The following GRM1 variants were observed in gnomAD, a reference collection of about 807,000 sequenced individuals.
GRM1 encodes the protein metabotropic glutamate receptor 1.
A neutral mutation model predicts 90.9 loss-of-function variants in GRM1; 33 were observed. That is an observed-to-expected ratio of 0.36 (90% CI 0.28 to 0.49). The LOEUF is 0.49. GRM1 is among the 20% of genes least tolerant of loss of function. GRM1 has a pLI of 0.99. For missense variants in GRM1, 1,190 were observed against 1,534.3 expected (o/e 0.78, Z 3.75); for synonymous variants, 700 against 613.2 (o/e 1.14, Z -2.09).
At chr6:146,305,578 T>C (rs1783549067) in intron 3 of GRM1, among the ~76,000 whole-genome samples, 1 of 152,214 alleles carries the variant, frequency 6.6e-6, no homozygotes, top group African/African-American at 2.4e-5. Context: ...GCTGCCAAGA[T>C]AAATCATCTA....
intron 1 of GRM1, among the ~76,000 whole-genome samples, chr6:146,085,978 C>G (rs1189213761): frequency 1.3e-5 from 2 of 152,108 alleles, no homozygotes; most frequent in African/African-American, 4.8e-5. Context: ...TGCTGGCATA[C>G]TCTATGTGAC....
intron 5 of GRM1, among the ~76,000 whole-genome samples, chr6:146,379,308 T>A (rs967351144): frequency 6.6e-6 from 1 of 151,206 alleles, no homozygotes; most frequent in African/African-American, 2.4e-5. Context: ...TTTTCAAATA[T>A]CCTGTCTTTA....
At chr6:146,037,943 C>G (rs1038836599) in intron 1 of GRM1, among the ~76,000 whole-genome samples, 1 of 152,028 alleles carries the variant, frequency 6.6e-6, no homozygotes, top group Non-Finnish European at 1.5e-5. Flanking sequence ...CTCAGCTGAT[C>G]TGGTTTCCCT....
chr6:146,434,420 C>G lies in GRM1; in HGVS notation c.3209C>G (p.Pro1070Arg), dbSNP rs1778524602. The G allele has an allele frequency of 1.1e-5, 17 of 1,613,630 alleles. No homozygotes were observed. The highest frequency in any genetic ancestry group is 1.4e-5 in the Non-Finnish European group (16 of 1,179,834). ...NGLRSLYPPP[P>R]PPQHLQMLPL... ...CTGCGGTCCCTGTACCCGCCCCCGC[C>G]ACCTCCGCAGCACCTGCAGATGCTG... Residue 1070 changes from proline to arginine, a missense_variant, in exon 8 of 8, where the codon CCA becomes CGA. Pro to Arg is a moderately radical substitution (Grantham distance 103, BLOSUM62 -2). Transcript: ENST00000282753.
intron 1 of GRM1, among the ~76,000 whole-genome samples, chr6:146,124,963 A>G (rs1425041804): frequency 1.3e-5 from 2 of 152,216 alleles, no homozygotes; most frequent in African/African-American, 2.4e-5. Context: ...TGATGTGACT[A>G]AAAACTGTGT....
At chr6:146,235,386 G>GT (rs1323457572) in intron 2 of GRM1, among the ~76,000 whole-genome samples, 1 of 151,994 alleles carries the variant, frequency 6.6e-6, no homozygotes, top group Non-Finnish European at 1.5e-5. Flanking sequence ...CCAAGGATTT[G>GT]TGTGTGTATT....
intron 2 of GRM1, among the ~76,000 whole-genome samples, chr6:146,160,740 A>T (rs189361482): frequency 2.0e-5 from 3 of 152,286 alleles, no homozygotes; most frequent in Admixed American, 1.3e-4. Flanking sequence ...CTGAAATTAG[A>T]GGTATAAGAC....
chr6:146,275,135 C>T (rs986108157), intron 2 of GRM1, among the ~76,000 whole-genome samples: 1 of 152,154 alleles, frequency 6.6e-6, no homozygotes, highest in African/African-American at 2.4e-5. Flanking sequence ...ATGAGCTAAA[C>T]TAAGTGGATG....
rs905339713 is a variant in GRM1 at position 146,436,793 on chromosome 6, A to G, written c.*1997A>G. ...ATGCCTTATGTTCAGTCATATTTTA[A>G]TATGCTTCCTTCATATTGAAGCTGC... On this transcript the variant is annotated 3_prime_UTR_variant, in exon 8 of 8. Transcript: ENST00000282753. 2 of 152,594 alleles carry G rather than the reference A, an allele frequency of 1.3e-5. No individual in the cohort carries two copies. Among genetic ancestry groups the G allele is most frequent in the African/African-American group, 4.8e-5 (2 of 41,442 alleles). 9.5% of individuals were successfully genotyped at this position (152,594 alleles called of 1,614,324 possible). A position where few individuals can be genotyped will look rare whatever the true frequency, so the allele number is the denominator to read the frequency against.
At chr6:146,284,307 A>G (rs1583273367) in intron 2 of GRM1, among the ~76,000 whole-genome samples, 1 of 152,190 alleles carries the variant, frequency 6.6e-6, no homozygotes, top group East Asian at 1.9e-4. Context: ...GGAAAATATC[A>G]TCCAAAGCCA....
At chr6:146,282,243 C>T (rs1261777451) in intron 2 of GRM1, among the ~76,000 whole-genome samples, 1 of 152,156 alleles carries the variant, frequency 6.6e-6, no homozygotes, top group Non-Finnish European at 1.5e-5. Context: ...AAATATCATT[C>T]TATTAAGGCC....
chr6:146,402,271 A>T (rs941068813), intron 7 of GRM1, among the ~76,000 whole-genome samples: 7 of 152,182 alleles, frequency 4.6e-5, no homozygotes, highest in Non-Finnish European at 8.8e-5. Flanking sequence ...GAGCTGACCC[A>T]GAGAGGGTAT....
chr6:146,387,834 G>A (rs915748266), intron 6 of GRM1, among the ~76,000 whole-genome samples: 7 of 152,066 alleles, frequency 4.6e-5, no homozygotes, highest in Admixed American at 4.6e-4. Flanking sequence ...AACCACTAAA[G>A]AATTTTAAAG....
At chr6:146,044,603 C>T (rs1562424997) in intron 1 of GRM1, among the ~76,000 whole-genome samples, 1 of 151,898 alleles carries the variant, frequency 6.6e-6, no homozygotes, top group Non-Finnish European at 1.5e-5. Flanking sequence ...GAGGGAGGTA[C>T]TGTGTGTTGA....
At chr6:146,078,392 T>C (rs372027198) in intron 1 of GRM1, among the ~76,000 whole-genome samples, 1 of 152,244 alleles carries the variant, frequency 6.6e-6, no homozygotes, top group East Asian at 1.9e-4. Context: ...TGGAAATACA[T>C]TGTTAAGAAA....
At position 146,070,220 on chromosome 6, in the gene GRM1, AT is replaced by A. The variant is rs567437980; in HGVS notation, c.700+40010del. 4.3e-3 allele frequency among the ~76,000 whole-genome samples: 647 copies of A among 152,044 alleles called. 4 individuals are homozygous for A. Among genetic ancestry groups the A allele is most frequent in the African/African-American group, 0.015 (616 of 41,488 alleles). The stretch of plus-strand genomic sequence containing the variant: ...TTGCTCAGTGGTGGTCACCAACTCC[AT>A]TTTTTTAATGTTATTTAAAAATATC... On this transcript the variant is annotated intron_variant, in intron 1 of 7. Coordinates refer to ENST00000282753, the MANE Select transcript of GRM1 (RefSeq NM_001278064.2).
chr6:146,205,854 G>A (rs1411182661), intron 2 of GRM1, among the ~76,000 whole-genome samples: 1 of 152,052 alleles, frequency 6.6e-6, no homozygotes, highest in Admixed American at 6.5e-5. Context: ...CATTTACCTG[G>A]TTCTCCTTTT....
intron 1 of GRM1, among the ~76,000 whole-genome samples, chr6:146,053,126 CT>C (rs1775353227): frequency 6.6e-6 from 1 of 152,056 alleles, no homozygotes; most frequent in Non-Finnish European, 1.5e-5. Flanking sequence ...TTTTATACCC[CT>C]GGTTTAAAAA....
intron 5 of GRM1, among the ~76,000 whole-genome samples, chr6:146,366,904 A>G (rs1185531121): frequency 6.6e-6 from 1 of 152,060 alleles, no homozygotes; most frequent in African/African-American, 2.4e-5. Flanking sequence ...TTTTAGCTTG[A>G]TATAATCTCA....
Sources: allele counts gnomAD v4.1 joint callset (sites outside exome capture counted in the v4.1 genomes callset), GRCh38; gene constraint gnomAD v4.1.1; transcripts MANE v1.5; gene names NCBI Gene and HGNC (gene_info 2026-07-23, HGNC 2026-07-21).